The following EYS variants were observed in gnomAD, a reference collection of about 807,000 sequenced individuals.
EYS encodes EGF-like photoreceptor maintenance factor.
Under a neutral mutation model 282.1 loss-of-function variants are expected in EYS, and 250 were observed. The observed-to-expected ratio is 0.89, with a 90% CI of 0.80 to 0.98. The LOEUF is 0.98. Ranked by LOEUF, EYS falls within the 50% of genes least tolerant of loss-of-function variation. The pLI, the probability that EYS is intolerant of heterozygous loss-of-function variation, is 0.00. For synonymous variants in EYS, 1,355 were observed against 1,282.9 expected (o/e 1.06, Z -1.20); for missense variants, 4,016 against 3,709.0 (o/e 1.08, Z -2.15).
chr6:64,490,341 G>A (rs1266624779), intron 26 of EYS, among the ~76,000 whole-genome samples: 3 of 150,824 alleles, frequency 2.0e-5, no homozygotes, highest in Non-Finnish European at 4.5e-5. Flanking sequence ...TTTTCTTTTA[G>A]TGACTAGTTA....
intron 22 of EYS, among the ~76,000 whole-genome samples, chr6:64,696,751 A>G (rs950019331): frequency 3.3e-5 from 5 of 152,208 alleles, no homozygotes; most frequent in African/African-American, 1.2e-4. Context: ...AATAACCTTC[A>G]TGAAAAAAAG....
intron 33 of EYS, among the ~76,000 whole-genome samples, chr6:64,065,682 G>A (rs184837323): frequency 6.6e-6 from 1 of 152,052 alleles, no homozygotes; most frequent in Non-Finnish European, 1.5e-5. Flanking sequence ...TAGATATTTT[G>A]TTGAACAATA....
intron 26 of EYS, among the ~76,000 whole-genome samples, chr6:64,461,167 T>C (rs887662407): frequency 6.6e-6 from 1 of 152,200 alleles, no homozygotes; most frequent in Non-Finnish European, 1.5e-5. Context: ...GAATAGCTGC[T>C]TGTTGAAAAC....
At chr6:64,792,073 T>G (rs1774208416) in intron 22 of EYS, among the ~76,000 whole-genome samples, 1 of 151,922 alleles carries the variant, frequency 6.6e-6, no homozygotes, top group Admixed American at 6.6e-5. Context: ...ACTGCATTTT[T>G]TTCCTTATAA....
chr6:64,676,102 A>C (rs909085885), intron 22 of EYS, among the ~76,000 whole-genome samples: 2 of 147,270 alleles, frequency 1.4e-5, no homozygotes, highest in East Asian at 2.0e-4. Flanking sequence ...GGAGAGAGAG[A>C]GAGCCATTTA....
At chr6:65,081,577 T>G (rs1774231513) in intron 12 of EYS, among the ~76,000 whole-genome samples, 1 of 152,188 alleles carries the variant, frequency 6.6e-6, no homozygotes, top group Non-Finnish European at 1.5e-5. Flanking sequence ...ACTAAAAAAC[T>G]GAGAAATATA....
chr6:65,655,737 A>C (rs1292292014), intron 1 of EYS, among the ~76,000 whole-genome samples: 1 of 151,816 alleles, frequency 6.6e-6, no homozygotes, highest in Non-Finnish European at 1.5e-5. Context: ...CTGCAATCTT[A>C]TGATCAAATT....
intron 22 of EYS, among the ~76,000 whole-genome samples, chr6:64,758,372 A>C (rs2149976380): frequency 6.6e-6 from 1 of 152,322 alleles, no homozygotes; most frequent in Non-Finnish European, 1.5e-5. Context: ...GGATTTTGTC[A>C]ATAAAATTGA....
In EYS at chr6:64,593,389, C is replaced by T. The variant is rs369593826; in HGVS notation, c.3685-80G>A. On this transcript the variant is annotated intron_variant, in intron 24 of 42. Transcript: ENST00000503581. Reference sequence around the variant, plus strand: ...GAAATTGTAAAGTTTGTTTTGAGATCCATTTGCATTTCCATAGACATATTG... The same window carrying T: ...GAAATTGTAAAGTTTGTTTTGAGATTCATTTGCATTTCCATAGACATATTG... 2.8e-4 allele frequency: 305 copies of T among 1,107,272 alleles called. 3 individuals are homozygous for T. The South Asian group carries it at 4.4e-3, about 16-fold the overall frequency. The allele number at this position is 1,107,272 out of a possible 1,614,324, so 68.6% of individuals were successfully genotyped here. A position where few individuals can be genotyped will look rare whatever the true frequency, so the allele number is the denominator to read the frequency against.
At chr6:64,896,830 G>T (rs772475974) in intron 18 of EYS, among the ~76,000 whole-genome samples, 9 of 151,968 alleles carry the variant, frequency 5.9e-5, no homozygotes, top group Non-Finnish European at 1.2e-4. Context: ...GAACAAAGCC[G>T]CCAGGAAGTT....
At chr6:65,629,627 C>T (rs1766843048) in intron 2 of EYS, among the ~76,000 whole-genome samples, 1 of 152,128 alleles carries the variant, frequency 6.6e-6, no homozygotes, top group South Asian at 2.1e-4. Flanking sequence ...TCAACAATCT[C>T]CACACATCAG....
intron 26 of EYS, among the ~76,000 whole-genome samples, chr6:64,478,505 A>G (rs911670789): frequency 6.6e-5 from 10 of 151,488 alleles, no homozygotes; most frequent in Admixed American, 4.6e-4. Context: ...TAATTTTTTC[A>G]TAATATTAAA....
intron 31 of EYS, among the ~76,000 whole-genome samples, chr6:64,093,165 G>T (rs377058534): frequency 4.1e-4 from 58 of 141,642 alleles, no homozygotes; most frequent in East Asian, 8.3e-4. Flanking sequence ...AGCCTTGTAG[G>T]ATAGTTTGAA....
intron 31 of EYS, among the ~76,000 whole-genome samples, chr6:64,140,891 C>T (rs1185032733): frequency 6.6e-6 from 1 of 152,046 alleles, no homozygotes; most frequent in Non-Finnish European, 1.5e-5. Context: ...TTGAGTGTGC[C>T]ATCTGTTTCC....
chr6:63,941,739 G>T (rs1359933478), intron 35 of EYS, among the ~76,000 whole-genome samples: 1 of 152,138 alleles, frequency 6.6e-6, no homozygotes. Flanking sequence ...TTGTGTTTAT[G>T]ATCGGGACTC....
At chr6:63,798,981 A>C (rs892883020) in intron 37 of EYS, among the ~76,000 whole-genome samples, 7 of 110,438 alleles carry the variant, frequency 6.3e-5, no homozygotes, top group Non-Finnish European at 1.0e-4. Flanking sequence ...ATATATGTAT[A>C]TGTGTGTATA....
intron 31 of EYS, among the ~76,000 whole-genome samples, chr6:64,112,378 A>G (rs1459737894): frequency 6.6e-6 from 1 of 152,168 alleles, no homozygotes; most frequent in East Asian, 1.9e-4. Flanking sequence ...GACGTTCAAC[A>G]CCAGACTGAG....
intron 1 of EYS, among the ~76,000 whole-genome samples, chr6:65,695,323 A>G (rs2149847600): frequency 6.6e-6 from 1 of 152,248 alleles, no homozygotes; most frequent in Admixed American, 6.5e-5. Flanking sequence ...AAATAATATT[A>G]CAGTAGGATT....
intron 5 of EYS, among the ~76,000 whole-genome samples, chr6:65,405,750 C>T (rs1007178017): frequency 3.9e-5 from 6 of 151,922 alleles, no homozygotes; most frequent in African/African-American, 9.7e-5. Context: ...AGAATTTTCA[C>T]GTTGTATCAT....
Sources: allele counts gnomAD v4.1 joint callset (sites outside exome capture counted in the v4.1 genomes callset), GRCh38; gene constraint gnomAD v4.1.1; transcripts MANE v1.5; gene names NCBI Gene and HGNC (gene_info 2026-07-23, HGNC 2026-07-21).